MTERF4: variants seen among roughly 807,000 people sequenced by gnomAD.
MTERF4 encodes the protein mitochondrial transcription termination factor 4.
MTERF4 carries 17 observed loss-of-function variants against 22.5 expected under a neutral mutation model. The ratio of observed to expected loss-of-function variants is 0.75; its 90% CI spans 0.52 to 1.13. MTERF4 has a LOEUF of 1.13. Ranked by LOEUF, MTERF4 falls within the 50% of genes most tolerant of loss-of-function variation. The pLI is 0.00. For missense variants in MTERF4, 420 were observed against 466.8 expected (o/e 0.90, Z 0.92); for synonymous variants, 165 against 175.3 (o/e 0.94, Z 0.47).
chr2:241,051,646 CCAGCACCAGAG>C, the MTERF4 span: 220 of 993,612 alleles, frequency 2.2e-4, 1 homozygote, highest in African/African-American at 3.2e-3. The surrounding 1 kb of genome is among the most constrained non-coding windows in gnomAD (Gnocchi z 4.7). Flanking sequence ...GAAGGCCCCA[CCAGCACCAGAG>C]GACTGAGGAG....
At chr2:241,074,873 C>CAGGA (rs2062946427) in exon 5 of MTERF4, 1 of 152,236 alleles carries the variant, frequency 6.6e-6, no homozygotes, top group South Asian at 2.1e-4. Flanking sequence ...GTTCTCTCCC[C>CAGGA]TCAGTTAACC....
chr2:241,066,586 GAAA>G, the MTERF4 span, among the ~76,000 whole-genome samples: 1 of 151,040 alleles, frequency 6.6e-6, no homozygotes, highest in African/African-American at 2.4e-5. Flanking sequence ...GAGGAAAGAG[GAAA>G]AGGTGCTGAG....
chr2:241,087,387 A>G, downstream of MTERF4: 1 of 1,591,256 alleles, frequency 6.3e-7, no homozygotes, highest in Non-Finnish European at 8.6e-7. Flanking sequence ...TTCTTGTGAC[A>G]ACAGGTATAA....
chr2:241,086,486 C>T (rs1178372448), downstream of MTERF4, among the ~76,000 whole-genome samples: 6 of 152,232 alleles, frequency 3.9e-5, no homozygotes, highest in Admixed American at 1.3e-4. Context: ...CTTCTCTAGG[C>T]TGAATTCCAG....
chr2:241,047,404 A>G, the MTERF4 span, among the ~76,000 whole-genome samples: 1 of 152,146 alleles, frequency 6.6e-6, no homozygotes, highest in Non-Finnish European at 1.5e-5. Context: ...TTATTGGTGG[A>G]GATTTCGACA....
chr2:241,085,334 C>G (rs2063524094), downstream of MTERF4, among the ~76,000 whole-genome samples: 1 of 152,200 alleles, frequency 6.6e-6, no homozygotes, highest in Admixed American at 6.5e-5. Flanking sequence ...GCTATGCACT[C>G]AAGGTCATTG....
At chr2:241,083,471 G>A (rs936889327), downstream of MTERF4, among the ~76,000 whole-genome samples, 3 of 152,240 alleles carry the variant, frequency 2.0e-5, no homozygotes, top group Admixed American at 2.0e-4. Context: ...TGGAGAATGG[G>A]ATGTAGACGG....
At chr2:241,076,818 G>A (rs889763792) in intron 4 of MTERF4, among the ~76,000 whole-genome samples, 2 of 151,982 alleles carry the variant, frequency 1.3e-5, no homozygotes, top group Middle Eastern at 3.2e-3. Context: ...AGGGCCGGGC[G>A]CAGTGGCTCA....
At chr2:241,059,450 C>A in the MTERF4 span, among the ~76,000 whole-genome samples, 1 of 152,170 alleles carries the variant, frequency 6.6e-6, no homozygotes, top group Admixed American at 6.5e-5. Context: ...TCTCAACTCA[C>A]CTTGATACCA....
At chr2:241,068,877 T>C, downstream of MTERF4, 1 of 1,424,506 alleles carries the variant, frequency 7.0e-7, no homozygotes, top group South Asian at 1.2e-5. This position sits in a 1 kb window ranked among gnomAD's most constrained non-coding sequence, Gnocchi z 5.3. Context: ...GTCCCAGACA[T>C]CCCTGTTCTC....
At chr2:241,097,097 G>T in intron 3 of MTERF4, 146 bp downstream of exon 3, 1 of 898,922 alleles carries the variant, frequency 1.1e-6, no homozygotes, top group Non-Finnish European at 1.7e-6. Flanking sequence ...CCATATAACT[G>T]ACCTTCACTA....
At chr2:241,061,946 A>G in the MTERF4 span, among the ~76,000 whole-genome samples, 1 of 152,202 alleles carries the variant, frequency 6.6e-6, no homozygotes, top group African/African-American at 2.4e-5. Flanking sequence ...GAAGTATGAT[A>G]TAACCACACT....
downstream of MTERF4, chr2:241,071,888 A>C: frequency 6.3e-7 from 1 of 1,591,328 alleles, no homozygotes; most frequent in Non-Finnish European, 8.6e-7. Flanking sequence ...CGTGAGTGCC[A>C]GGGCCTCCCC....
Position 241,096,100 on chromosome 2 carries a change from CTCATCA to C in MTERF4, c.1038_1043del (p.Asp346_Asp347del). The C allele has an allele frequency of 1.2e-6, 2 of 1,613,564 alleles. No individual in the cohort carries two copies. The highest frequency in any genetic ancestry group is 1.7e-6 in the Non-Finnish European group (2 of 1,179,682). On this transcript the variant is annotated inframe_deletion, in exon 4 of 4. Coordinates refer to ENST00000391980, the MANE Select transcript of MTERF4 (RefSeq NM_182501.4). This position sits in a 1 kb window ranked among gnomAD's most constrained non-coding sequence, Gnocchi z 5.1. ...CATTGTCATCCTCATCATTGTCCTC[CTCATCA>C]TCGTCATCCTCATCCTCATCCAGAC...
At position 241,099,845 on chromosome 2, in the gene MTERF4, C is replaced by A; in HGVS notation, c.71G>T (p.Arg24Met). The A allele has an allele frequency of 6.2e-7, 1 of 1,613,046 alleles. No individual in the cohort carries two copies. The highest frequency in any genetic ancestry group is 8.5e-7 in the Non-Finnish European group (1 of 1,179,948). ...CTGTTCTCCAAGATGAGGAGTCTGC[C>A]TAGCCATACAGGCCCAGGTGAGGGG... ...LIPLTWACMA[R>M]QTPHLGEQRR... The change falls in exon 2 of 4, where the codon AGG becomes ATG. Residue 24 changes from arginine (R) to methionine (M), a missense_variant. Physicochemically the swap from Arg to Met is moderately conservative, Grantham distance 91. Coordinates refer to ENST00000391980, the MANE Select transcript of MTERF4 (RefSeq NM_182501.4).
rs576327268 is a variant in MTERF4, at chr2:241,099,152, G to A, written c.520+244C>T. Reference sequence around the variant, plus strand: ...TGCAGTGGCGCCATCTCAGCTCACTGCAACCTCCGCCTCCTGGGTTCAAGC... The same window carrying A: ...TGCAGTGGCGCCATCTCAGCTCACTACAACCTCCGCCTCCTGGGTTCAAGC... On this transcript the variant is annotated intron_variant, in intron 2 of 3. Transcript: ENST00000391980. The A allele has an allele frequency of 1.8e-4, 77 of 424,080 alleles. 1 individual carries two copies. In the East Asian group the frequency reaches 3.1e-3, roughly 17 times the overall value. The allele number at this position is 424,080 out of a possible 1,614,324, so 26.3% of individuals were successfully genotyped here.
At chr2:241,076,037 TC>T (rs1480462857) in intron 4 of MTERF4, among the ~76,000 whole-genome samples, 1 of 152,238 alleles carries the variant, frequency 6.6e-6, no homozygotes, top group Non-Finnish European at 1.5e-5. Context: ...TGCCCTGTGT[TC>T]ACTCTAACTT....
chr2:241,048,879 C>A, the MTERF4 span: 7 of 1,185,224 alleles, frequency 5.9e-6, no homozygotes, highest in Non-Finnish European at 8.5e-6. Context: ...ATTGGTTCTA[C>A]CCCCACCCAG....
At chr2:241,051,121 G>C in the MTERF4 span, among the ~76,000 whole-genome samples, 1 of 152,250 alleles carries the variant, frequency 6.6e-6, no homozygotes. The surrounding 1 kb of genome is among the most constrained non-coding windows in gnomAD (Gnocchi z 4.7). Flanking sequence ...CCGCCACTCA[G>C]AACACCCAGG....
Sources: allele counts gnomAD v4.1 joint callset (sites outside exome capture counted in the v4.1 genomes callset), GRCh38; gene constraint gnomAD v4.1.1; non-coding constraint Gnocchi (gnomAD v3.1); transcripts MANE v1.5; gene names NCBI Gene and HGNC (gene_info 2026-07-23, HGNC 2026-07-21).